PDE3B: variants seen among roughly 807,000 people sequenced by gnomAD.
PDE3B encodes the protein phosphodiesterase 3B, also known as cGMP-inhibited 3',5'-cyclic phosphodiesterase 3B.
PDE3B carries 66 observed loss-of-function variants against 116.8 expected under a neutral mutation model. That is an observed-to-expected ratio of 0.56 (90% CI 0.46 to 0.69). The LOEUF (loss-of-function observed/expected upper bound fraction) is 0.69, where lower values mean the gene tolerates loss of function less well. Among genes scored for constraint, PDE3B ranks in the 30% least tolerant of loss-of-function variants. The probability of loss-of-function intolerance (pLI) is 0.00; values close to 1 mark genes in which losing one functional copy is unlikely to be tolerated. For missense variants in PDE3B, 1,384 were observed against 1,368.1 expected (o/e 1.01, Z -0.18); for synonymous variants, 595 against 533.6 (o/e 1.12, Z -1.59).
chr11:14,848,193 T>C (rs1847654971), intron 12 of PDE3B, among the ~76,000 whole-genome samples: 1 of 137,010 alleles, frequency 7.3e-6, no homozygotes, highest in Non-Finnish European at 1.6e-5. Flanking sequence ...TATATGCAAA[T>C]CAATAAATGT....
At chr11:14,891,794 A>AG in the PDE3B span, 42 of 1,403,908 alleles carry the variant, frequency 3.0e-5, no homozygotes, top group African/African-American at 4.7e-4. Context: ...TCCCCCTGCA[A>AG]GGGGGCACGG....
intron 2 of PDE3B, among the ~76,000 whole-genome samples, chr11:14,780,083 G>A (rs1412049878): frequency 6.6e-6 from 1 of 151,834 alleles, no homozygotes; most frequent in Non-Finnish European, 1.5e-5. Context: ...ATTATATAAT[G>A]GTAAAGGGAT....
chr11:14,663,934 A>G (rs1203849445), intron 1 of PDE3B, among the ~76,000 whole-genome samples: 2 of 152,010 alleles, frequency 1.3e-5, no homozygotes, highest in African/African-American at 4.8e-5. Context: ...CATCTACAGA[A>G]CTCTCCACCC....
At chr11:14,889,414 C>CA in the PDE3B span, among the ~76,000 whole-genome samples, 3 of 152,200 alleles carry the variant, frequency 2.0e-5, no homozygotes, top group Non-Finnish European at 2.9e-5. Flanking sequence ...GGATAAAGAT[C>CA]AAATGCCGCT....
chr11:14,664,902 C>G (rs1353065982), intron 1 of PDE3B, among the ~76,000 whole-genome samples: 2 of 152,164 alleles, frequency 1.3e-5, no homozygotes, highest in Non-Finnish European at 2.9e-5. Context: ...AGGGAATCCT[C>G]CCTAACTCAT....
intron 1 of PDE3B, among the ~76,000 whole-genome samples, chr11:14,647,328 T>C (rs1014536285): frequency 2.0e-5 from 3 of 152,040 alleles, no homozygotes; most frequent in Non-Finnish European, 4.4e-5. Flanking sequence ...CTTAACTGTT[T>C]AATTTTGGAA....
the PDE3B span, chr11:14,887,604 A>G: frequency 1.0e-6 from 1 of 985,404 alleles, no homozygotes; most frequent in Non-Finnish European, 1.2e-6. Flanking sequence ...AGATGTAAAC[A>G]GGAATACACA....
intron 1 of PDE3B, among the ~76,000 whole-genome samples, chr11:14,718,113 T>C (rs2133837727): frequency 7.0e-6 from 1 of 142,664 alleles, no homozygotes; most frequent in South Asian, 2.4e-4. Context: ...AAGGCAGGGG[T>C]TGCAATCCTA....
rs528199899 is a variant in PDE3B, at chr11:14,741,091, G to C, written c.979-30846G>C. ...ATGTATATTCCGTTGATTTGGGGTG[G>C]GGAGTTCTGTAGATGTGTATTAGGT... On this transcript the variant is annotated intron_variant, in intron 1 of 15. Coordinates refer to ENST00000282096, the MANE Select transcript of PDE3B (RefSeq NM_000922.4). Among the ~76,000 whole-genome samples the C allele has an allele frequency of 2.6e-5, 4 of 152,156 alleles. No homozygotes were observed. The East Asian group carries it at 7.7e-4, about 29-fold the overall frequency.
chr11:14,762,490 C>G (rs1368733860), intron 1 of PDE3B, among the ~76,000 whole-genome samples: 1 of 152,122 alleles, frequency 6.6e-6, no homozygotes, highest in Non-Finnish European at 1.5e-5. Context: ...AATAAACCAA[C>G]TTAGCTGGAG....
chr11:14,760,455 C>T (rs968255199), intron 1 of PDE3B, among the ~76,000 whole-genome samples: 61 of 152,272 alleles, frequency 4.0e-4, no homozygotes, highest in African/African-American at 1.3e-3. Flanking sequence ...GCATAATTTG[C>T]ATCTGATTTA....
At chr11:14,861,146 AAAC>A (rs1280738815) in intron 13 of PDE3B, 56 bp from the exon 14 acceptor site, 13 of 1,376,260 alleles carry the variant, frequency 9.4e-6, no homozygotes, top group Admixed American at 7.5e-5. Context: ...AAAGCAAACA[AAAC>A]AACAAGTTTT....
At chr11:14,785,826 T>C (rs1858171500) in intron 2 of PDE3B, among the ~76,000 whole-genome samples, 1 of 152,060 alleles carries the variant, frequency 6.6e-6, no homozygotes, top group South Asian at 2.1e-4. Context: ...AACATATTTT[T>C]CTTTATTTTT....
chr11:14,892,485 A>C, the PDE3B span, among the ~76,000 whole-genome samples: 3 of 152,206 alleles, frequency 2.0e-5, no homozygotes, highest in Non-Finnish European at 4.4e-5. Context: ...GAATGTTGAC[A>C]CAAGGGCATT....
chr11:14,885,958 G>T, the PDE3B span: 10 of 1,593,530 alleles, frequency 6.3e-6, no homozygotes, highest in East Asian at 2.2e-5. Context: ...ATGACAGCAT[G>T]TATGGAGAAA....
intron 1 of PDE3B, among the ~76,000 whole-genome samples, chr11:14,714,732 T>A (rs1270470083): frequency 6.6e-6 from 1 of 152,096 alleles, no homozygotes; most frequent in Non-Finnish European, 1.5e-5. Flanking sequence ...AGCTATTGAG[T>A]CCTTGACATA....
At chr11:14,652,819 AT>A (rs1853606624) in intron 1 of PDE3B, among the ~76,000 whole-genome samples, 2 of 152,154 alleles carry the variant, frequency 1.3e-5, no homozygotes, top group African/African-American at 4.8e-5. Context: ...TAGTATAATC[AT>A]CTTTGGGATT....
chr11:14,665,291 A>G (rs1468998102), intron 1 of PDE3B, among the ~76,000 whole-genome samples: 1 of 152,204 alleles, frequency 6.6e-6, no homozygotes, highest in Non-Finnish European at 1.5e-5. Context: ...GCTATCTATG[A>G]CAGACCCACA....
At position 14,644,040 on chromosome 11, in the gene PDE3B, G is replaced by T. The variant is rs766481290; in HGVS notation, c.-36G>T. ...GAGCGGCCGCTACGGTACGAGCGGG[G>T]TGTGCTGAGTCCCGTGGCCACCCCC... On this transcript the variant is annotated 5_prime_UTR_variant, in exon 1 of 16. Transcript: ENST00000282096. 38 of 1,440,564 alleles carry T rather than the reference G, an allele frequency of 2.6e-5. No homozygotes were observed. The South Asian group carries it at 3.3e-4, about 12-fold the overall frequency. 89.2% of individuals were successfully genotyped at this position (1,440,564 alleles called of 1,614,324 possible).
Sources: allele counts gnomAD v4.1 joint callset (sites outside exome capture counted in the v4.1 genomes callset), GRCh38; gene constraint gnomAD v4.1.1; transcripts MANE v1.5; gene names NCBI Gene and HGNC (gene_info 2026-07-23, HGNC 2026-07-21).